The following RS1 variants were observed in gnomAD, a reference collection of about 807,000 sequenced individuals.
RS1 encodes retinoschisin 1.
Under a neutral mutation model 20.8 loss-of-function variants are expected in RS1, and 2 were observed. The observed-to-expected ratio is 0.10, with a 90% CI of 0.04 to 0.30. RS1 has a LOEUF of 0.30. RS1 is among the 10% of genes least tolerant of loss of function. The pLI, the probability that RS1 is intolerant of heterozygous loss-of-function variation, is 1.00. For missense variants in RS1, 151 were observed against 189.8 expected (o/e 0.80, Z 1.20); for synonymous variants, 70 against 75.8 (o/e 0.92, Z 0.40).
intron 3 of RS1, among the ~76,000 whole-genome samples, chrX:18,656,412 C>T (rs974971637): frequency 3.6e-5 from 4 of 112,244 alleles, no homozygotes; most frequent in African/African-American, 1.3e-4. Flanking sequence ...ACTGACATCA[C>T]GCCATGTGTT....
Position 18,642,513 on chromosome X carries a change from G to C in RS1, c.523-357C>G, listed in dbSNP as rs977277003. Among the ~76,000 whole-genome samples, 4 of 112,199 alleles carry C rather than the reference G, an allele frequency of 3.6e-5. No homozygotes were observed. In the East Asian group the frequency reaches 1.1e-3, roughly 31 times the overall value. ...TTCCATCACAGAAAGTTCTATTGGA[G>C]GGTGCTGCTAGAAAATGCCACTTGA... is the stretch of plus-strand genomic sequence containing the variant. On this transcript the variant is annotated intron_variant, in intron 5 of 5. Coordinates refer to ENST00000379984, the MANE Select transcript of RS1 (RefSeq NM_000330.4).
chrX:18,662,089 G>A (rs1407928648), intron 1 of RS1, among the ~76,000 whole-genome samples: 1 of 112,212 alleles, frequency 8.9e-6, no homozygotes, highest in African/African-American at 3.2e-5. Flanking sequence ...CAGCAAGAAG[G>A]TGCCAGGGAT....
At chrX:18,643,423 C>A (rs939709626) in intron 5 of RS1, among the ~76,000 whole-genome samples, 20 of 110,767 alleles carry the variant, frequency 1.8e-4, no homozygotes, top group South Asian at 7.6e-4. Flanking sequence ...AAGTCAGGAG[C>A]CAGGTGAAGA....
At chrX:18,652,102 C>CT (rs1928074102) in intron 3 of RS1, among the ~76,000 whole-genome samples, 1 of 111,175 alleles carries the variant, frequency 9.0e-6, no homozygotes, top group African/African-American at 3.3e-5. Flanking sequence ...GCCTGCCTCC[C>CT]TCCCCATTCT....
Position 18,642,134 on chromosome X carries a change from C to T in RS1, c.545G>A (p.Arg182His). 7 of 1,211,339 alleles carry T rather than the reference C, an allele frequency of 5.8e-6. No individual in the cohort carries two copies. Among genetic ancestry groups the T allele is most frequent in the South Asian group, 5.3e-5 (3 of 56,955 alleles). The change falls in exon 6 of 6, where the codon CGC (arginine) becomes CAC (histidine). Residue 182 changes from arginine (R) to histidine (H), a missense_variant. Coordinates refer to ENST00000379984, the MANE Select transcript of RS1 (RefSeq NM_000330.4). ...NNRVFYGNSD[R>H]TSTVQNLLRP... ...CAGCAGGTTCTGAACCGTGGAGGTG[C>T]GGTCCGAGTTGCCATAGAAGACCTA...
chrX:18,660,938 A>C (rs1000365152), intron 1 of RS1, among the ~76,000 whole-genome samples: 1 of 111,556 alleles, frequency 9.0e-6, no homozygotes, highest in African/African-American at 3.3e-5. Flanking sequence ...TAGCCTAGGA[A>C]GATTCAGGGC....
At chrX:18,652,647 C>T (rs1159716237) in intron 3 of RS1, among the ~76,000 whole-genome samples, 3 of 106,442 alleles carry the variant, frequency 2.8e-5, no homozygotes, top group Non-Finnish European at 3.9e-5. Context: ...CCAGCTTGGG[C>T]AACAGAGCCA....
At chrX:18,653,978 T>A (rs1319183766) in intron 3 of RS1, among the ~76,000 whole-genome samples, 6 of 107,556 alleles carry the variant, frequency 5.6e-5, no homozygotes, top group East Asian at 5.8e-4. Context: ...AAAAAAAAAA[T>A]AAAAAAATAA....
intron 1 of RS1, 48 bp downstream of exon 1, chrX:18,671,969 A>G: frequency 9.7e-7 from 1 of 1,026,548 alleles, no homozygotes; most frequent in Middle Eastern, 2.6e-4. Flanking sequence ...TATTAATTAA[A>G]TTATGTATTA....
chrX:18,667,538 C>G (rs1290502039), intron 1 of RS1, among the ~76,000 whole-genome samples: 1 of 102,211 alleles, frequency 9.8e-6, no homozygotes. Flanking sequence ...CACAGCGAGA[C>G]TCTGTCTCAA....
At chrX:18,664,717 T>G (rs183039801) in intron 1 of RS1, among the ~76,000 whole-genome samples, 39 of 110,521 alleles carry the variant, frequency 3.5e-4, no homozygotes, top group African/African-American at 9.2e-4. Context: ...ATTAGTAGTA[T>G]TATTATTATT....
intron 1 of RS1, 99 bp from the exon 2 acceptor site, chrX:18,657,764 G>T: frequency 1.4e-6 from 1 of 703,138 alleles, no homozygotes; most frequent in Non-Finnish European, 2.3e-6. Flanking sequence ...ATAGTCACAT[G>T]AAAGCTACCA....
chrX:18,662,445 C>T (rs764294774), intron 1 of RS1, among the ~76,000 whole-genome samples: 257 of 110,811 alleles, frequency 2.3e-3, no homozygotes, highest in Non-Finnish European at 2.9e-3. Context: ...AATGCTATCC[C>T]TCCCCGCTCC....
Position 18,641,830 on chromosome X carries a change from T to C in RS1, c.*174A>G. On this transcript the variant is annotated 3_prime_UTR_variant, in exon 6 of 6. Transcript: ENST00000379984. ...TGAGTGGGGAATAAGTTCATTTTTA[T>C]TTCATTGAAATCAGAAAGCTATATC... 1 of 463,422 alleles carries C rather than the reference T, an allele frequency of 2.2e-6. No individual in the cohort carries two copies. Among genetic ancestry groups the C allele is most frequent in the Non-Finnish European group, 3.6e-6 (1 of 274,816 alleles). 38.2% of individuals were successfully genotyped at this position (463,422 alleles called of 1,213,427 possible). A position where few individuals can be genotyped will look rare whatever the true frequency, so the allele number is the denominator to read the frequency against.
chrX:18,643,858 C>T (rs1927671024), intron 5 of RS1, among the ~76,000 whole-genome samples: 1 of 109,785 alleles, frequency 9.1e-6, no homozygotes, highest in African/African-American at 3.3e-5. Flanking sequence ...AGTCAGGAGT[C>T]TACTGCGTTT....
At position 18,641,668 on chromosome X, in the gene RS1, C is replaced by T; in HGVS notation, c.*336G>A. On this transcript the variant is annotated 3_prime_UTR_variant, in exon 6 of 6. Coordinates refer to ENST00000379984, the MANE Select transcript of RS1 (RefSeq NM_000330.4). ...ATGAATTTTCAAATTATCAGGGCTG[C>T]TTTGTGTTCCCCTGAGACTGCACCT... is the stretch of plus-strand genomic sequence containing the variant. 2 of 258,519 alleles carry T rather than the reference C, an allele frequency of 7.7e-6. No individual in the cohort carries two copies. Among genetic ancestry groups the T allele is most frequent in the Non-Finnish European group, 1.4e-5 (2 of 144,496 alleles). The allele number at this position is 258,519 out of a possible 1,213,427, so 21.3% of individuals were successfully genotyped here.
chrX:18,656,618 A>G lies in RS1; in HGVS notation c.184+35T>C, dbSNP rs6633109. The G allele has an allele frequency of 0.015, 16,176 of 1,071,857 alleles. 587 individuals are homozygous for G. In the East Asian group the frequency reaches 0.16, roughly 11 times the overall value. 88.3% of individuals were successfully genotyped at this position (1,071,857 alleles called of 1,213,427 possible). A position where few individuals can be genotyped will look rare whatever the true frequency, so the allele number is the denominator to read the frequency against. On this transcript the variant is annotated intron_variant, in intron 3 of 5. Transcript: ENST00000379984. ...AAGGAAGAGAAATGGGGTGTTCCCA[A>G]TGACTGTTCCATCCCAAGGACAGGG...
At chrX:18,643,860 A>G (rs983898876) in intron 5 of RS1, among the ~76,000 whole-genome samples, 44 of 110,822 alleles carry the variant, frequency 4.0e-4, no homozygotes, top group African/African-American at 1.3e-3. Context: ...TCAGGAGTCT[A>G]CTGCGTTTAG....
rs1319281307 is a variant in RS1 at position 18,641,611 on chromosome X, TG to T, written c.*392del. 5.9e-6 allele frequency: 1 copy of T among 169,647 alleles called. No individual in the cohort carries two copies. Among genetic ancestry groups the T allele is most frequent in the Non-Finnish European group, 1.1e-5 (1 of 90,332 alleles). The allele number at this position is 169,647 out of a possible 1,213,427, so 14.0% of individuals were successfully genotyped here. A position where few individuals can be genotyped will look rare whatever the true frequency, so the allele number is the denominator to read the frequency against. ...CATTCAAAGCCAGGCTTTAGGAAAC[TG>T]TATGTTTCTGTCTTGAATGTGGTAA... On this transcript the variant is annotated 3_prime_UTR_variant, in exon 6 of 6. Transcript: ENST00000379984.
Sources: gnomAD v4.1 joint callset for allele counts (sites outside exome capture counted in the v4.1 genomes callset) on GRCh38, gnomAD v4.1.1 for gene constraint, MANE v1.5 for transcripts, NCBI Gene and HGNC (gene_info 2026-07-23, HGNC 2026-07-21) for gene names.